Variants in LRP1B observed in about 807,000 individuals in gnomAD.
LRP1B encodes low-density lipoprotein receptor-related protein 1B.
In LRP1B, 217 loss-of-function variants were observed where a neutral mutation model predicts 556.6. The ratio of observed to expected loss-of-function variants is 0.39; its 90% CI spans 0.35 to 0.44. LRP1B has a LOEUF of 0.44. LRP1B is among the 20% of genes least tolerant of loss of function. The pLI, the probability that LRP1B is intolerant of heterozygous loss-of-function variation, is 1.00. For synonymous variants in LRP1B, 2,047 were observed against 1,865.8 expected (o/e 1.10, Z -2.50); for missense variants, 5,053 against 5,620.8 (o/e 0.90, Z 3.23).
chr2:140,305,247 A>T (rs1001036548), intron 83 of LRP1B, among the ~76,000 whole-genome samples: 3 of 152,202 alleles, frequency 2.0e-5, no homozygotes, highest in Admixed American at 2.0e-4. Flanking sequence ...TACCTTGGGC[A>T]GTATGGCCAT....
intron 43 of LRP1B, among the ~76,000 whole-genome samples, chr2:140,575,853 T>C (rs549092945): frequency 6.6e-6 from 1 of 151,180 alleles, no homozygotes; most frequent in South Asian, 2.1e-4. Flanking sequence ...ACCCTGAAGG[T>C]GGAGGTTGCA....
chr2:141,666,982 T>A lies in LRP1B; in HGVS notation c.205+143297A>T, dbSNP rs376538132. ...AGCTCATTTGCTTTATTTCTAGATT[T>A]TTTTTTTTAACTGAGTGTTTCCTAG... On this transcript the variant is annotated intron_variant, in intron 2 of 90. Transcript: ENST00000389484. 2.4e-4 allele frequency among the ~76,000 whole-genome samples: 36 copies of A among 152,288 alleles called. 1 individual carries two copies. The South Asian group carries it at 6.8e-3, about 29-fold the overall frequency.
intron 1 of LRP1B, among the ~76,000 whole-genome samples, chr2:141,889,863 T>G (rs1391027266): frequency 6.6e-6 from 1 of 152,094 alleles, no homozygotes; most frequent in African/African-American, 2.4e-5. Flanking sequence ...TAGTAAGAAA[T>G]CTGCTGAATT....
chr2:141,525,811 C>T (rs1221605154), intron 2 of LRP1B, among the ~76,000 whole-genome samples: 1 of 151,920 alleles, frequency 6.6e-6, no homozygotes, highest in Non-Finnish European at 1.5e-5. Context: ...ATTTGGATTT[C>T]TGATAAACAA....
chr2:140,932,686 A>AATATG (rs1313055306), intron 20 of LRP1B, among the ~76,000 whole-genome samples: 1 of 151,880 alleles, frequency 6.6e-6, no homozygotes, highest in Non-Finnish European at 1.5e-5. Context: ...CAGCCTAGGC[A>AATATG]ATATGGTGAG....
chr2:141,290,642 C>A (rs1004866926), intron 3 of LRP1B, among the ~76,000 whole-genome samples: 1 of 152,036 alleles, frequency 6.6e-6, no homozygotes, highest in African/African-American at 2.4e-5. Flanking sequence ...AATATTTAGA[C>A]CTTTTCCTGC....
At chr2:141,654,797 A>G (rs1689940435) in intron 2 of LRP1B, among the ~76,000 whole-genome samples, 1 of 152,052 alleles carries the variant, frequency 6.6e-6, no homozygotes, top group Non-Finnish European at 1.5e-5. Context: ...TTTTAAGAAT[A>G]GAAGTACTAC....
chr2:140,772,575 G>C (rs964671113), intron 33 of LRP1B, among the ~76,000 whole-genome samples: 1 of 152,124 alleles, frequency 6.6e-6, no homozygotes, highest in Non-Finnish European at 1.5e-5. Flanking sequence ...CTCCTGAAGT[G>C]CTGGGATTAC....
intron 2 of LRP1B, among the ~76,000 whole-genome samples, chr2:141,575,153 G>C (rs747426680): frequency 6.6e-6 from 1 of 151,898 alleles, no homozygotes; most frequent in Non-Finnish European, 1.5e-5. Flanking sequence ...GTATAGCCAA[G>C]ACAATCCTAA....
At chr2:140,716,588 C>A in intron 36 of LRP1B, 94 bp downstream of exon 36, 2 of 1,245,304 alleles carry the variant, frequency 1.6e-6, no homozygotes. Flanking sequence ...CAAATAAAAG[C>A]ACTGTTATGA....
intron 11 of LRP1B, among the ~76,000 whole-genome samples, chr2:141,038,737 A>G (rs774383528): frequency 2.1e-4 from 32 of 152,084 alleles, no homozygotes; most frequent in Non-Finnish European, 3.4e-4. Context: ...GCAATAGTTT[A>G]ATTGTAGTTA....
At chr2:141,070,591 A>G (rs1699611414) in intron 7 of LRP1B, among the ~76,000 whole-genome samples, 1 of 152,076 alleles carries the variant, frequency 6.6e-6, no homozygotes, top group African/African-American at 2.4e-5. Context: ...GGATCAACAA[A>G]ATTGATAGAC....
chr2:140,386,210 T>A (rs1683754684), intron 66 of LRP1B, among the ~76,000 whole-genome samples: 1 of 152,174 alleles, frequency 6.6e-6, no homozygotes, highest in Non-Finnish European at 1.5e-5. Flanking sequence ...TGTTCATGCT[T>A]TCACCGCGAG....
At chr2:141,518,260 G>A (rs903657094) in intron 2 of LRP1B, among the ~76,000 whole-genome samples, 1 of 152,292 alleles carries the variant, frequency 6.6e-6, no homozygotes, top group African/African-American at 2.4e-5. Flanking sequence ...AAGTGAGTGT[G>A]TGTGGGAGTT....
intron 3 of LRP1B, among the ~76,000 whole-genome samples, chr2:141,292,379 T>C (rs12473777): frequency 0.1 from 15,536 of 152,054 alleles, 1,027 homozygotes; most frequent in Admixed American, 0.17. Flanking sequence ...TATCAACTCA[T>C]AGTTCAGTAT....
intron 7 of LRP1B, among the ~76,000 whole-genome samples, chr2:141,134,388 T>C (rs1013287576): frequency 1.3e-5 from 2 of 151,888 alleles, no homozygotes; most frequent in African/African-American, 2.4e-5. Flanking sequence ...AATCTCCTAC[T>C]TGGTATAAAA....
intron 2 of LRP1B, among the ~76,000 whole-genome samples, chr2:141,715,568 G>A (rs113152669): frequency 0.14 from 21,597 of 151,992 alleles, 3,316 homozygotes; most frequent in African/African-American, 0.38. Context: ...TAATCCCAGC[G>A]CTTTGGGAGG....
chr2:140,264,433 T>C (rs1032355877), intron 86 of LRP1B, among the ~76,000 whole-genome samples: 3 of 152,130 alleles, frequency 2.0e-5, no homozygotes, highest in African/African-American at 7.2e-5. Flanking sequence ...TTCACCACGT[T>C]GGCCAGGCTA....
At chr2:142,037,962 C>T (rs1345200657) in intron 1 of LRP1B, among the ~76,000 whole-genome samples, 1 of 151,432 alleles carries the variant, frequency 6.6e-6, no homozygotes, top group African/African-American at 2.4e-5. Flanking sequence ...ATAGAAGGCG[C>T]CACCTAACGA....
Sources: gnomAD v4.1 joint callset for allele counts (sites outside exome capture counted in the v4.1 genomes callset) on GRCh38, gnomAD v4.1.1 for gene constraint, MANE v1.5 for transcripts, NCBI Gene and HGNC (gene_info 2026-07-23, HGNC 2026-07-21) for gene names.